Variants in CDK8 observed in about 807,000 individuals in gnomAD.
CDK8 encodes the protein cyclin-dependent kinase 8.
In CDK8, 29 loss-of-function variants were observed where a neutral mutation model predicts 71.5. The ratio of observed to expected loss-of-function variants is 0.41; its 90% confidence interval spans 0.30 to 0.55. The LOEUF (loss-of-function observed/expected upper bound fraction) is 0.55. CDK8 is among the 20% of genes least tolerant of loss of function. CDK8 has a pLI of 0.37. For synonymous variants in CDK8, 161 were observed against 192.1 expected (o/e 0.84, Z 1.34); for missense variants, 288 against 572.6 (o/e 0.50, Z 5.07).
At chr13:26,393,562 T>C (rs1278915727) in intron 7 of CDK8, 52 bp downstream of exon 7, 1 of 1,584,846 alleles carries the variant, frequency 6.3e-7, no homozygotes, top group Non-Finnish European at 8.6e-7. Context: ...TGTTTGAACT[T>C]AGATGTCTTC....
chr13:26,351,601 A>G (rs958055677), intron 3 of CDK8, among the ~76,000 whole-genome samples: 1 of 152,192 alleles, frequency 6.6e-6, no homozygotes, highest in African/African-American at 2.4e-5. Context: ...CTAGTTTGTA[A>G]TATTTAATTT....
intron 4 of CDK8, among the ~76,000 whole-genome samples, chr13:26,366,362 T>C (rs566211445): frequency 1.3e-5 from 2 of 152,274 alleles, no homozygotes; most frequent in Admixed American, 1.3e-4. Context: ...TAAATTTTGT[T>C]TGAATCAACA....
chr13:26,334,431 C>A (rs940710629), intron 1 of CDK8, among the ~76,000 whole-genome samples: 1 of 151,976 alleles, frequency 6.6e-6, no homozygotes, highest in Admixed American at 6.6e-5. Flanking sequence ...ATTCTGATTC[C>A]AATTTTGTTT....
chr13:26,319,651 A>T (rs546708641), intron 1 of CDK8, among the ~76,000 whole-genome samples: 2 of 150,760 alleles, frequency 1.3e-5, no homozygotes, highest in African/African-American at 4.9e-5. Flanking sequence ...TTGATTACAG[A>T]TTTAGTGCAA....
At chr13:26,264,547 A>T (rs978693623) in intron 1 of CDK8, among the ~76,000 whole-genome samples, 1 of 152,228 alleles carries the variant, frequency 6.6e-6, no homozygotes, top group Admixed American at 6.5e-5. Context: ...TATGGGGCAC[A>T]CGAGAAATTT....
chr13:26,280,754 C>T (rs1322725438), intron 1 of CDK8, among the ~76,000 whole-genome samples: 1 of 152,214 alleles, frequency 6.6e-6, no homozygotes, highest in African/African-American at 2.4e-5. Flanking sequence ...TCTCTGTCCA[C>T]GTAGTCATGC....
chr13:26,273,371 C>T (rs1207146085), intron 1 of CDK8, among the ~76,000 whole-genome samples: 4 of 152,088 alleles, frequency 2.6e-5, no homozygotes, highest in African/African-American at 9.7e-5. Flanking sequence ...GAAGTTTAAA[C>T]ACTACATCTG....
At chr13:26,300,297 C>G (rs1873769322) in intron 1 of CDK8, among the ~76,000 whole-genome samples, 1 of 152,076 alleles carries the variant, frequency 6.6e-6, no homozygotes, top group South Asian at 2.1e-4. Context: ...AAGACAGCTA[C>G]TAAGTGACTA....
At chr13:26,375,594 G>A (rs1464840275) in intron 4 of CDK8, among the ~76,000 whole-genome samples, 1 of 152,130 alleles carries the variant, frequency 6.6e-6, no homozygotes, top group African/African-American at 2.4e-5. Flanking sequence ...TACCACAACA[G>A]TGTAAACATA....
chr13:26,359,450 G>A (rs1593287207), intron 4 of CDK8: 1 of 159,370 alleles, frequency 6.3e-6, no homozygotes, highest in South Asian at 1.7e-4. Flanking sequence ...AGCCTGATTG[G>A]ATTCAGTTTG....
chr13:26,390,369 A>C (rs74042647), intron 6 of CDK8, among the ~76,000 whole-genome samples: 12,098 of 152,252 alleles, frequency 0.079, 1,575 homozygotes, highest in African/African-American at 0.27. Flanking sequence ...CATATGCCCC[A>C]TCTACTACAA....
rs144740290 is a variant in CDK8, at chr13:26,358,918, T to C, written c.456+5038T>C. On this transcript the variant is annotated intron_variant, in intron 4 of 12. Transcript: ENST00000381527. ...AGCATGCACCTGTGGTCCCAGCTAC[T>C]TGGGAGGCTGAGGTGGGAGGGTCAC... 547 of 189,634 alleles carry C rather than the reference T, an allele frequency of 2.9e-3. 7 individuals carry two copies. Among genetic ancestry groups the C allele is most frequent in the African/African-American group, 0.012 (510 of 41,896 alleles). The allele number at this position is 189,634 out of a possible 1,614,324, so 11.7% of individuals were successfully genotyped here. A position where few individuals can be genotyped will look rare whatever the true frequency, so the allele number is the denominator to read the frequency against.
chr13:26,295,671 C>T (rs540930290), intron 1 of CDK8, among the ~76,000 whole-genome samples: 1 of 152,288 alleles, frequency 6.6e-6, no homozygotes, highest in Admixed American at 6.5e-5. Context: ...CTTCATCTTT[C>T]TGGGCAGGAG....
chr13:26,258,732 A>C (rs1702079778), intron 1 of CDK8, among the ~76,000 whole-genome samples: 1 of 152,160 alleles, frequency 6.6e-6, no homozygotes, highest in South Asian at 2.1e-4. Context: ...AGTAAAAATT[A>C]TGAACATAAA....
intron 6 of CDK8, among the ~76,000 whole-genome samples, chr13:26,391,256 A>G (rs1432492841): frequency 6.6e-6 from 1 of 152,066 alleles, no homozygotes. Context: ...CTTTTTCTTT[A>G]AAAAGCAGTG....
intron 1 of CDK8, among the ~76,000 whole-genome samples, chr13:26,255,645 A>G (rs906375483): frequency 2.0e-5 from 3 of 152,076 alleles, no homozygotes; most frequent in East Asian, 1.9e-4. Context: ...AGTTGGGGGG[A>G]AAATATATTT....
rs920024484 is a variant in CDK8, at chr13:26,254,998, A to T, written c.128+229A>T. The stretch of plus-strand genomic sequence containing the variant: ...TTCTGCTCTGGTGGTAAGAGGCAAG[A>T]TGAGCCTCTGCACCGTGGGCTGTAT... On this transcript the variant is annotated intron_variant, in intron 1 of 12. Coordinates refer to ENST00000381527, the MANE Select transcript of CDK8 (RefSeq NM_001260.3). The surrounding 1 kb of genome is among the most constrained non-coding windows in gnomAD (Gnocchi z 6.7). Among the ~76,000 whole-genome samples, 1 of 152,208 alleles carries T rather than the reference A, an allele frequency of 6.6e-6. No individual in the cohort carries two copies. The highest frequency in any genetic ancestry group is 6.5e-5 in the Admixed American group (1 of 15,286).
At chr13:26,274,873 T>C (rs1303383442) in intron 1 of CDK8, among the ~76,000 whole-genome samples, 1 of 152,208 alleles carries the variant, frequency 6.6e-6, no homozygotes, top group Non-Finnish European at 1.5e-5. Context: ...CAGTCTTTTA[T>C]TGCTTCTGAG....
chr13:26,346,539 A>T (rs537205639), intron 2 of CDK8, among the ~76,000 whole-genome samples: 7 of 152,234 alleles, frequency 4.6e-5, no homozygotes, highest in Non-Finnish European at 8.8e-5. Context: ...AAAACACTGA[A>T]CTAGAATTAA....
Sources: allele counts gnomAD v4.1 joint callset (sites outside exome capture counted in the v4.1 genomes callset), GRCh38; gene constraint gnomAD v4.1.1; non-coding constraint Gnocchi (gnomAD v3.1); transcripts MANE v1.5; gene names NCBI Gene and HGNC (gene_info 2026-07-23, HGNC 2026-07-21).